The following FAM83F variants were observed in gnomAD, a reference collection of about 807,000 sequenced individuals.
The protein encoded by FAM83F is scaffolding CK1 anchoring protein F, also known as protein FAM83F.
Under a neutral mutation model 42.9 loss-of-function variants are expected in FAM83F, and 45 were observed. The ratio of observed to expected loss-of-function variants is 1.05; its 90% CI spans 0.83 to 1.35. The LOEUF (loss-of-function observed/expected upper bound fraction) is 1.35, where lower values mean the gene tolerates loss of function less well. Ranked by LOEUF, FAM83F falls within the 40% of genes most tolerant of loss-of-function variation. The probability of loss-of-function intolerance (pLI) is 0.00; values close to 1 mark genes in which losing one functional copy is unlikely to be tolerated. For synonymous variants in FAM83F, 306 were observed against 298.3 expected, an observed-to-expected ratio of 1.03 and a Z score of -0.27; for missense variants, 617 against 695.9, an observed-to-expected ratio of 0.89 and a Z score of 1.28.
At chr22:40,029,193 G>A (rs2067572947) in intron 4 of FAM83F, among the ~76,000 whole-genome samples, 1 of 151,386 alleles carries the variant, frequency 6.6e-6, no homozygotes, top group Non-Finnish European at 1.5e-5. Flanking sequence ...AGACAGAGCA[G>A]CCAAGACTTT....
chr22:40,019,804 G>A, intron 2 of FAM83F, 83 bp from the exon 3 acceptor site: 1 of 1,512,620 alleles, frequency 6.6e-7, no homozygotes, highest in Non-Finnish European at 8.8e-7. Context: ...CATACACAAG[G>A]GGGCTCTTCC....
intron 1 of FAM83F, among the ~76,000 whole-genome samples, chr22:40,016,020 G>T (rs1169727345): frequency 6.6e-6 from 1 of 152,086 alleles, no homozygotes; most frequent in African/African-American, 2.4e-5. Flanking sequence ...GTTTATTTGG[G>T]CCAAGATTTA....
chr22:40,024,612 T>G (rs2067540710), intron 4 of FAM83F, among the ~76,000 whole-genome samples: 1 of 152,182 alleles, frequency 6.6e-6, no homozygotes, highest in South Asian at 2.1e-4. Flanking sequence ...ATCCGTCCCC[T>G]CCCTGGGGCT....
At chr22:40,029,079 ACGTGTGTG>A (rs1273614908) in intron 4 of FAM83F, among the ~76,000 whole-genome samples, 4 of 113,184 alleles carry the variant, frequency 3.5e-5, no homozygotes, top group Non-Finnish European at 5.3e-5. Context: ...TCTTGGCTAG[ACGTGTGTG>A]TGTGTGTGTG....
At chr22:39,998,430 C>G (rs1021317123) in intron 1 of FAM83F, among the ~76,000 whole-genome samples, 1 of 151,988 alleles carries the variant, frequency 6.6e-6, no homozygotes, top group East Asian at 1.9e-4. Context: ...GCTGCCGTGC[C>G]TACAGTCACA....
chr22:40,022,823 G>A (rs910752456), intron 4 of FAM83F, among the ~76,000 whole-genome samples: 1 of 152,158 alleles, frequency 6.6e-6, no homozygotes, highest in Non-Finnish European at 1.5e-5. Flanking sequence ...CCAGGTGGGC[G>A]ATGGCAGGGC....
chr22:39,997,256 T>A (rs1174462473), intron 1 of FAM83F, among the ~76,000 whole-genome samples: 1 of 152,212 alleles, frequency 6.6e-6, no homozygotes, highest in Non-Finnish European at 1.5e-5. Context: ...GCTAGCCTGG[T>A]CACAACCTGG....
In FAM83F at chr22:40,020,357, A is replaced by ATTT. The variant is rs552816341; in HGVS notation, c.779+370_779+372dup. 6.1e-4 allele frequency among the ~76,000 whole-genome samples: 71 copies of ATTT among 116,362 alleles called. 1 individual carries two copies. Among genetic ancestry groups the ATTT allele is most frequent in the Non-Finnish European group, 8.2e-4 (46 of 56,238 alleles). The allele number at this position is 116,362 out of a possible 152,430, so 76.3% of individuals were successfully genotyped here. On this transcript the variant is annotated intron_variant, in intron 3 of 4. Coordinates refer to ENST00000333407, the MANE Select transcript of FAM83F (RefSeq NM_138435.4). ...GTGGTGTGCAGGGAATGTCGCCAGA[A>ATTT]TTTTTTTTTTTTTTTTTTTTTTTGA...
intron 4 of FAM83F, 108 bp from the exon 5 acceptor site, chr22:40,029,408 C>G (rs947095049): frequency 4.2e-6 from 6 of 1,438,084 alleles, no homozygotes; most frequent in Non-Finnish European, 4.7e-6. Flanking sequence ...GACAGTGACC[C>G]CAGCCCCTCA....
At chr22:40,010,708 A>G (rs144526769) in intron 1 of FAM83F, among the ~76,000 whole-genome samples, 50 of 152,360 alleles carry the variant, frequency 3.3e-4, no homozygotes, top group African/African-American at 1.1e-3. Flanking sequence ...TAAACTGGAC[A>G]CCTTGGAGTG....
chr22:40,024,209 C>T (rs1471061128), intron 4 of FAM83F, among the ~76,000 whole-genome samples: 1 of 152,146 alleles, frequency 6.6e-6, no homozygotes, highest in Admixed American at 6.5e-5. Context: ...TCATGTTGCC[C>T]AGGCTGGTCT....
intron 1 of FAM83F, among the ~76,000 whole-genome samples, chr22:40,007,545 C>T (rs372102567): frequency 1.4e-3 from 17 of 12,578 alleles, no homozygotes; most frequent in African/African-American, 3.0e-3. Flanking sequence ...TCTCCTCCTC[C>T]TCTCCTCCTC....
At position 39,995,193 on chromosome 22, in the gene FAM83F, A is replaced by G; in HGVS notation, c.151A>G (p.Lys51Glu). The G allele has an allele frequency of 6.6e-7, 1 of 1,524,200 alleles. No homozygotes were observed. Among genetic ancestry groups the G allele is most frequent in the Non-Finnish European group, 8.8e-7 (1 of 1,142,122 alleles). 94.4% of individuals were successfully genotyped at this position (1,524,200 alleles called of 1,614,324 possible). ...CGAGCAGGCCTACCGCGAGCGGCTC[A>G]AGGAGGAGCAGCTGCGGGACTTCCT... ...GGEQAYRERL[K>E]EEQLRDFLSS... is the part of the protein sequence containing the mutation. The change falls in exon 1 of 5, where the codon AAG (lysine) becomes GAG (glutamate). Residue 51 changes from lysine (K) to glutamate (E), a missense_variant. Lys to Glu is a moderately conservative substitution (Grantham distance 56). Coordinates refer to ENST00000333407, the MANE Select transcript of FAM83F (RefSeq NM_138435.4). This position sits in a 1 kb window ranked among gnomAD's most constrained non-coding sequence, Gnocchi z 4.6.
Position 40,041,730 on chromosome 22 carries a change from T to C in FAM83F, c.*12165T>C, listed in dbSNP as rs2067651106. ...AGAAACTCATTTGTGGGTCTGTTCA[T>C]AAAAGAGTCTGGGAAGATAGTCTCC... is the stretch of plus-strand genomic sequence containing the variant. On this transcript the variant is annotated 3_prime_UTR_variant, in exon 5 of 5. Transcript: ENST00000333407. 6.6e-6 allele frequency: 1 copy of C among 152,234 alleles called. No individual in the cohort carries two copies. 9.4% of individuals were successfully genotyped at this position (152,234 alleles called of 1,614,324 possible).
chr22:40,021,612 G>T lies in FAM83F; in HGVS notation c.1102G>T (p.Ala368Ser). The T allele has an allele frequency of 6.3e-7, 1 of 1,585,118 alleles. No homozygotes were observed. The highest frequency in any genetic ancestry group is 8.6e-7 in the Non-Finnish European group (1 of 1,160,494). The change falls in exon 4 of 5, where the codon GCC becomes TCC. Residue 368 changes from alanine (A) to serine (S), a missense_variant. Coordinates refer to ENST00000333407, the MANE Select transcript of FAM83F (RefSeq NM_138435.4). This position sits in a 1 kb window ranked among gnomAD's most constrained non-coding sequence, Gnocchi z 8.7. ...QEEGASGGES[A>S]WRLESFLKDL... ...GGAGGGCGCCAGCGGTGGCGAGTCGGCCTGGCGCCTGGAGAGCTTCCTGAA... is the reference window on the plus strand; with the variant it reads ...GGAGGGCGCCAGCGGTGGCGAGTCGTCCTGGCGCCTGGAGAGCTTCCTGAA...
In FAM83F at chr22:40,021,847, G is replaced by A. The variant is rs201670514; in HGVS notation, c.1337G>A (p.Arg446Gln). The change falls in exon 4 of 5, where the codon CGA becomes CAA. Residue 446 changes from arginine to glutamine, a missense_variant. Transcript: ENST00000333407. The surrounding 1 kb of genome is among the most constrained non-coding windows in gnomAD (Gnocchi z 8.7). ...RRFSSRLFSR[R>Q]AKRPAAPNGM... ...TTCAGCAGCAGGCTCTTCAGTCGCC[G>A]AGCCAAGAGGCCTGCGGCGCCCAAT... is the stretch of plus-strand genomic sequence containing the variant. 78 of 1,612,316 alleles carry A rather than the reference G, an allele frequency of 4.8e-5. No individual in the cohort carries two copies. In the Admixed American group the frequency reaches 9.2e-4, roughly 19 times the overall value.
At chr22:40,001,492 A>T (rs1180429004) in intron 1 of FAM83F, among the ~76,000 whole-genome samples, 2 of 152,054 alleles carry the variant, frequency 1.3e-5, no homozygotes, top group Non-Finnish European at 2.9e-5. Flanking sequence ...TACAAAAATT[A>T]GCCAGATGTG....
rs56293563 is a variant in FAM83F at position 39,995,591 on chromosome 22, G to A, written c.489+60G>A. ...CCTCGGCCCCAGTCCCCTGGACCGGGCCCCACCTCCCAGGCAGGGCCCGGG... is the reference window on the plus strand; with the variant it reads ...CCTCGGCCCCAGTCCCCTGGACCGGACCCCACCTCCCAGGCAGGGCCCGGG... On this transcript the variant is annotated intron_variant, in intron 1 of 4. Transcript: ENST00000333407. The surrounding 1 kb of genome is among the most constrained non-coding windows in gnomAD (Gnocchi z 4.6). 1.4e-6 allele frequency: 2 copies of A among 1,464,400 alleles called. No individual in the cohort carries two copies. The highest frequency in any genetic ancestry group is 5.0e-5 in the East Asian group (2 of 39,976). The allele number at this position is 1,464,400 out of a possible 1,614,324, so 90.7% of individuals were successfully genotyped here.
At chr22:40,025,641 AG>A (rs2067547667) in intron 4 of FAM83F, among the ~76,000 whole-genome samples, 1 of 152,142 alleles carries the variant, frequency 6.6e-6, no homozygotes, top group Admixed American at 6.6e-5. Flanking sequence ...TGAACCCAGG[AG>A]GCAGAGGCTG....
Sources: allele counts gnomAD v4.1 joint callset (sites outside exome capture counted in the v4.1 genomes callset), GRCh38; gene constraint gnomAD v4.1.1; non-coding constraint Gnocchi (gnomAD v3.1); transcripts MANE v1.5; gene names NCBI Gene and HGNC (gene_info 2026-07-23, HGNC 2026-07-21).